The following MAS1 variants were observed in gnomAD, a reference collection of about 807,000 sequenced individuals.
The protein encoded by MAS1 is proto-oncogene Mas.
For missense variants in MAS1, 387 were observed against 409.7 expected (o/e 0.94, Z 0.48); for synonymous variants, 163 against 164.2 (o/e 0.99, Z 0.05).
rs1438951571 is a variant in MAS1, at chr6:159,907,065, G to A, written c.110G>A (p.Trp37Ter). ...CATCGGCAAATCCCCATCGTGCACT[G>A]GGTCATTATGAGCATCTCCCCAGTG... is the stretch of plus-strand genomic sequence containing the variant. ...NAHRQIPIVH[W>*]VIMSISPVGF... Residue 37 changes from tryptophan (W) to a stop codon, truncating the protein, a stop_gained, in exon 3 of 3, where the codon TGG becomes TAG. Transcript: ENST00000674077. LOFTEE classifies it low-confidence loss of function (END_TRUNC). 6.2e-7 allele frequency: 1 copy of A among 1,614,136 alleles called. No homozygotes were observed. Among genetic ancestry groups the A allele is most frequent in the South Asian group, 1.1e-5 (1 of 91,090 alleles).
chr6:159,901,248 G>A (rs1247415789), intron 2 of MAS1, among the ~76,000 whole-genome samples: 1 of 152,146 alleles, frequency 6.6e-6, no homozygotes, highest in Non-Finnish European at 1.5e-5. Context: ...GTCACATTGA[G>A]GATTAGGACT....
At position 159,917,309 on chromosome 6, in the gene MAS1, T is replaced by A. The variant is rs1783039420; in HGVS notation, c.*9376T>A. Among the ~76,000 whole-genome samples the A allele has an allele frequency of 6.6e-6, 1 of 152,350 alleles. No individual in the cohort carries two copies. The highest frequency in any genetic ancestry group is 2.1e-4 in the South Asian group (1 of 4,832). The stretch of plus-strand genomic sequence containing the variant: ...AAAACGAGAGATTTTCTGTAGTAAG[T>A]ACATTGCCTGTAAATAGAATTCCAA... On this transcript the variant is annotated 3_prime_UTR_variant, in exon 3 of 3. Coordinates refer to ENST00000674077, the MANE Select transcript of MAS1 (RefSeq NM_002377.4).
chr6:159,910,172 T>C lies in MAS1; in HGVS notation c.*2239T>C, dbSNP rs1218241358. 2 of 152,210 alleles carry C rather than the reference T, an allele frequency of 1.3e-5. No homozygotes were observed. The highest frequency in any genetic ancestry group is 2.9e-5 in the Non-Finnish European group (2 of 68,036). The allele number at this position is 152,210 out of a possible 1,614,324, so 9.4% of individuals were successfully genotyped here. On this transcript the variant is annotated 3_prime_UTR_variant, in exon 3 of 3. Transcript: ENST00000674077. ...TTCCTTGGGGATGGGGAGGAGATTG[T>C]TTGGATAATGCCTGTCCTAACTGAA...
chr6:159,907,284 T>C lies in MAS1; in HGVS notation c.329T>C (p.Val110Ala), dbSNP rs541092772. 1.2e-6 allele frequency: 2 copies of C among 1,614,226 alleles called. No individual in the cohort carries two copies. Among genetic ancestry groups the C allele is most frequent in the African/African-American group, 1.3e-5 (1 of 75,058 alleles). Residue 110 changes from valine to alanine, a missense_variant, in exon 3 of 3, where the codon GTG becomes GCG. Val to Ala is a moderately conservative substitution (Grantham distance 64, BLOSUM62 0). Transcript: ENST00000674077. ...GHYYTIVTLS[V>A]TFLFGYNTGL... is the part of the protein sequence containing the mutation. ...TACTACACAATTGTCACATTATCAGTGACTTTTCTGTTTGGCTACAACACG... is the reference window on the plus strand; with the variant it reads ...TACTACACAATTGTCACATTATCAGCGACTTTTCTGTTTGGCTACAACACG...
At chr6:159,900,994 A>G (rs1296957941) in intron 2 of MAS1, among the ~76,000 whole-genome samples, 1 of 152,168 alleles carries the variant, frequency 6.6e-6, no homozygotes, top group Admixed American at 6.5e-5. Flanking sequence ...ACAGTTCTGG[A>G]GGCCAGAAGT....
At position 159,916,309 on chromosome 6, in the gene MAS1, G is replaced by A. The variant is rs1218392981; in HGVS notation, c.*8376G>A. On this transcript the variant is annotated 3_prime_UTR_variant, in exon 3 of 3. Transcript: ENST00000674077. ...TAGAGTTGTCAGATTCATAGAGACA[G>A]AAGGTAGAATGGTGGTGGCCGGGGG... The A allele has an allele frequency of 6.6e-6, 1 of 152,190 alleles. No homozygotes were observed. The highest frequency in any genetic ancestry group is 1.5e-5 in the Non-Finnish European group (1 of 68,046). 9.4% of individuals were successfully genotyped at this position (152,190 alleles called of 1,614,324 possible).
chr6:159,896,629 A>G (rs1326055026), intron 1 of MAS1, among the ~76,000 whole-genome samples: 1 of 152,218 alleles, frequency 6.6e-6, no homozygotes, highest in African/African-American at 2.4e-5. Flanking sequence ...TAAACATTTA[A>G]AAGAAAATAT....
intron 1 of MAS1, among the ~76,000 whole-genome samples, chr6:159,894,191 GA>G (rs1782729508): frequency 1.3e-5 from 2 of 152,124 alleles, no homozygotes; most frequent in Non-Finnish European, 2.9e-5. Flanking sequence ...TGTGGAGTAG[GA>G]AGGGAAGAGG....
intron 2 of MAS1, among the ~76,000 whole-genome samples, chr6:159,901,952 A>G (rs1424472545): frequency 6.6e-6 from 1 of 152,166 alleles, no homozygotes; most frequent in East Asian, 1.9e-4. Context: ...GAAAAGAAGA[A>G]AAGTTGAATA....
rs1364859655 is a variant in MAS1 at position 159,907,382 on chromosome 6, C to T, written c.427C>T (p.His143Tyr). 8 of 1,614,010 alleles carry T rather than the reference C, an allele frequency of 5.0e-6. No individual in the cohort carries two copies. The Admixed American group carries it at 6.7e-5, about 13-fold the overall frequency. ...CCTTTACCCCATCTGGTACCGATGC[C>T]ATCGCCCCAAGTACCAGTCGGCATT... is the stretch of plus-strand genomic sequence containing the variant. ...SVLYPIWYRC[H>Y]RPKYQSALVC... Residue 143 changes from histidine (H) to tyrosine (Y), a missense_variant, in exon 3 of 3, where the codon CAT (histidine) becomes TAT (tyrosine). Physicochemically the swap from His to Tyr is moderately conservative, Grantham distance 83. Transcript: ENST00000674077.
intron 1 of MAS1, among the ~76,000 whole-genome samples, chr6:159,898,015 C>T (rs1262891578): frequency 1.3e-5 from 2 of 151,966 alleles, no homozygotes; most frequent in Admixed American, 6.6e-5. Flanking sequence ...GCCTCTGCTT[C>T]CGAGTATCTG....
At chr6:159,901,614 TAAAA>T (rs1353131445) in intron 2 of MAS1, among the ~76,000 whole-genome samples, 1 of 152,074 alleles carries the variant, frequency 6.6e-6, no homozygotes, top group South Asian at 2.1e-4. Context: ...TTTTTTTAAT[TAAAA>T]AATTTTAACT....
In MAS1 at chr6:159,907,656, T is replaced by A. The variant is rs1311163591; in HGVS notation, c.701T>A (p.Ile234Asn). 6.2e-7 allele frequency: 1 copy of A among 1,613,884 alleles called. No homozygotes were observed. Among genetic ancestry groups the A allele is most frequent in the Non-Finnish European group, 8.5e-7 (1 of 1,179,990 alleles). The change falls in exon 3 of 3, where the codon ATC (isoleucine) becomes AAC (asparagine). Residue 234 changes from isoleucine (I) to asparagine (N), a missense_variant. Coordinates refer to ENST00000674077, the MANE Select transcript of MAS1 (RefSeq NM_002377.4). The part of the protein sequence containing the change: ...SKLYIVIMVT[I>N]IIFLIFAMPM... ...CTTTACATAGTCATCATGGTCACCA[T>A]CATTATATTCCTCATCTTCGCTATG...
intron 1 of MAS1, among the ~76,000 whole-genome samples, chr6:159,898,602 C>G (rs1240127453): frequency 1.0e-5 from 1 of 98,188 alleles, no homozygotes; most frequent in Non-Finnish European, 2.1e-5. Flanking sequence ...TTCCTCCTTC[C>G]TCTTCCTCCT....
At chr6:159,900,523 GT>G (rs1441095307) in intron 2 of MAS1, among the ~76,000 whole-genome samples, 1 of 152,206 alleles carries the variant, frequency 6.6e-6, no homozygotes, top group African/African-American at 2.4e-5. Flanking sequence ...CAATGTGTTT[GT>G]TTAAATAGAA....
At chr6:159,894,588 G>A (rs986225936) in intron 1 of MAS1, among the ~76,000 whole-genome samples, 2 of 152,126 alleles carry the variant, frequency 1.3e-5, no homozygotes, top group Non-Finnish European at 2.9e-5. Context: ...GACAAGAGGC[G>A]AGGAGACGTG....
rs1482234870 is a variant in MAS1 at position 159,908,205 on chromosome 6, A to G, written c.*272A>G. The G allele has an allele frequency of 3.4e-6, 1 of 294,664 alleles. No homozygotes were observed. The highest frequency in any genetic ancestry group is 5.5e-5 in the East Asian group (1 of 18,338). The allele number at this position is 294,664 out of a possible 1,614,324, so 18.3% of individuals were successfully genotyped here. A position where few individuals can be genotyped will look rare whatever the true frequency, so the allele number is the denominator to read the frequency against. ...AAAAATGACTTTTGCAGGAAGATTT[A>G]CAGATGTGTACGGGACAAGGTAACA... On this transcript the variant is annotated 3_prime_UTR_variant, in exon 3 of 3. Transcript: ENST00000674077.
intron 1 of MAS1, among the ~76,000 whole-genome samples, chr6:159,898,053 G>A (rs149589064): frequency 1.8e-4 from 28 of 151,734 alleles, no homozygotes; most frequent in Non-Finnish European, 2.8e-4. Flanking sequence ...CACCACGCCC[G>A]GATAATTTTT....
chr6:159,895,323 G>T (rs1197517799), intron 1 of MAS1, among the ~76,000 whole-genome samples: 1 of 152,194 alleles, frequency 6.6e-6, no homozygotes, highest in Non-Finnish European at 1.5e-5. Flanking sequence ...AAAAACAAGG[G>T]GGTGGTTTGC....
Sources: gnomAD v4.1 joint callset for allele counts (sites outside exome capture counted in the v4.1 genomes callset) on GRCh38, gnomAD v4.1.1 for gene constraint, MANE v1.5 for transcripts, NCBI Gene and HGNC (gene_info 2026-07-23, HGNC 2026-07-21) for gene names.